STK32B: variants seen among roughly 807,000 people sequenced by gnomAD.
STK32B encodes the protein serine/threonine-protein kinase 32B.
A neutral mutation model predicts 52.6 loss-of-function variants in STK32B; 43 were observed. The ratio of observed to expected loss-of-function variants is 0.82; its 90% CI spans 0.64 to 1.05. The LOEUF (loss-of-function observed/expected upper bound fraction) is 1.05, where lower values mean the gene tolerates loss of function less well. Among genes scored for constraint, STK32B ranks in the 50% least tolerant of loss-of-function variants. STK32B has a pLI of 0.00. For missense variants in STK32B, 621 were observed against 534.6 expected, an observed-to-expected ratio of 1.16 and a Z score of -1.59; for synonymous variants, 238 against 204.3, an observed-to-expected ratio of 1.17 and a Z score of -1.41.
chr4:5,426,433 G>A (rs959391503), intron 6 of STK32B, among the ~76,000 whole-genome samples: 14 of 152,074 alleles, frequency 9.2e-5, no homozygotes, highest in African/African-American at 2.9e-4. Flanking sequence ...GGCCGGGTGT[G>A]GTGGCTCATG....
At chr4:5,210,212 T>A (rs954020909) in intron 3 of STK32B, among the ~76,000 whole-genome samples, 3 of 152,116 alleles carry the variant, frequency 2.0e-5, no homozygotes, top group Non-Finnish European at 2.9e-5. Flanking sequence ...CTCTTCCCCT[T>A]GTCTTTCTCC....
intron 5 of STK32B, among the ~76,000 whole-genome samples, chr4:5,411,427 C>A (rs2109063501): frequency 6.6e-6 from 1 of 152,238 alleles, no homozygotes; most frequent in African/African-American, 2.4e-5. Flanking sequence ...GATTTCGTAG[C>A]AGACAAAAAG....
intron 3 of STK32B, among the ~76,000 whole-genome samples, chr4:5,188,978 G>T (rs745683412): frequency 6.6e-6 from 1 of 151,006 alleles, no homozygotes; most frequent in African/African-American, 2.4e-5. Context: ...AAACCTGCAC[G>T]TTGTGCACGT....
At chr4:5,239,120 G>A (rs186148186) in intron 3 of STK32B, among the ~76,000 whole-genome samples, 8 of 152,274 alleles carry the variant, frequency 5.3e-5, no homozygotes, top group South Asian at 2.1e-4. Context: ...AGGTGAGAGC[G>A]TAGTGAAGGC....
intron 3 of STK32B, among the ~76,000 whole-genome samples, chr4:5,282,449 A>G (rs1168418600): frequency 6.6e-6 from 1 of 152,234 alleles, no homozygotes; most frequent in African/African-American, 2.4e-5. Flanking sequence ...AGAAATTAAC[A>G]GTAATAACTA....
At chr4:5,153,092 A>C (rs1267788461) in intron 2 of STK32B, among the ~76,000 whole-genome samples, 1 of 152,208 alleles carries the variant, frequency 6.6e-6, no homozygotes. Flanking sequence ...TTTATTTTCA[A>C]ATGTCCCTCC....
intron 3 of STK32B, among the ~76,000 whole-genome samples, chr4:5,177,853 G>A (rs1282532216): frequency 6.6e-6 from 1 of 152,186 alleles, no homozygotes; most frequent in Non-Finnish European, 1.5e-5. Flanking sequence ...TGCAAGAGTT[G>A]GGCTCCCCAG....
At chr4:5,141,740 C>G (rs1164434966) in intron 2 of STK32B, among the ~76,000 whole-genome samples, 1 of 152,052 alleles carries the variant, frequency 6.6e-6, no homozygotes, top group Non-Finnish European at 1.5e-5. Flanking sequence ...ATCAAGTGGT[C>G]CATAGGTATA....
intron 8 of STK32B, chr4:5,458,633 C>T (rs1254327483): frequency 6.6e-6 from 1 of 152,442 alleles, no homozygotes; most frequent in Admixed American, 6.5e-5. Context: ...GGAAATCCAC[C>T]ACCTGGTTCT....
chr4:5,270,005 G>A (rs1727318989), intron 3 of STK32B, among the ~76,000 whole-genome samples: 1 of 152,120 alleles, frequency 6.6e-6, no homozygotes, highest in Non-Finnish European at 1.5e-5. Flanking sequence ...AAAGAGAAAA[G>A]TCATGTGATC....
At chr4:5,081,396 G>A (rs1051264706) in intron 1 of STK32B, among the ~76,000 whole-genome samples, 14 of 152,080 alleles carry the variant, frequency 9.2e-5, no homozygotes, top group African/African-American at 3.1e-4. Flanking sequence ...GTATCTGGAT[G>A]TCCGTATATC....
chr4:5,230,054 G>A (rs937062139), intron 3 of STK32B, among the ~76,000 whole-genome samples: 4 of 151,754 alleles, frequency 2.6e-5, no homozygotes, highest in Non-Finnish European at 4.4e-5. Flanking sequence ...GTGCAATGGC[G>A]TGATCTTGGC....
intron 3 of STK32B, among the ~76,000 whole-genome samples, chr4:5,169,925 T>G (rs1719222775): frequency 6.6e-6 from 1 of 152,218 alleles, no homozygotes; most frequent in African/African-American, 2.4e-5. Context: ...GACATATAAC[T>G]GTATGTGTTA....
chr4:5,485,686 T>C (rs1316772769), intron 11 of STK32B, among the ~76,000 whole-genome samples: 1 of 152,222 alleles, frequency 6.6e-6, no homozygotes, highest in Non-Finnish European at 1.5e-5. Context: ...TTTCTAGTTT[T>C]TCTGCTCTGT....
the STK32B span, among the ~76,000 whole-genome samples, chr4:5,030,398 C>T: frequency 3.3e-5 from 5 of 152,176 alleles, no homozygotes. Flanking sequence ...GAATGGAATA[C>T]TTTTAGAAGA....
chr4:5,367,581 C>T (rs922854891), intron 4 of STK32B, among the ~76,000 whole-genome samples: 1 of 152,130 alleles, frequency 6.6e-6, no homozygotes, highest in African/African-American at 2.4e-5. Context: ...GCTAAAGCTC[C>T]CTCTGGCTTG....
At chr4:5,146,750 T>C (rs917840328) in intron 2 of STK32B, among the ~76,000 whole-genome samples, 1 of 152,376 alleles carries the variant, frequency 6.6e-6, no homozygotes, top group East Asian at 1.9e-4. Flanking sequence ...TGTCTTCTTC[T>C]GTACTCTCGG....
chr4:5,333,560 G>C (rs1011109724), intron 4 of STK32B, among the ~76,000 whole-genome samples: 1 of 152,190 alleles, frequency 6.6e-6, no homozygotes, highest in African/African-American at 2.4e-5. Context: ...CCATGCCTAT[G>C]TCCTGAATGG....
intron 3 of STK32B, among the ~76,000 whole-genome samples, chr4:5,191,824 T>C (rs1254861292): frequency 4.6e-5 from 7 of 152,172 alleles, no homozygotes; most frequent in East Asian, 1.9e-4. Flanking sequence ...ATTTGTAGAA[T>C]TGAAGGCAGC....
Sources: gnomAD v4.1 joint callset for allele counts (sites outside exome capture counted in the v4.1 genomes callset) on GRCh38, gnomAD v4.1.1 for gene constraint, MANE v1.5 for transcripts, NCBI Gene and HGNC (gene_info 2026-07-23, HGNC 2026-07-21) for gene names.